Variants in RBFOX1 observed in about 807,000 individuals in gnomAD.
The protein encoded by RBFOX1 is RNA binding protein fox-1 homolog 1.
A neutral mutation model predicts 57.7 loss-of-function variants in RBFOX1; 8 were observed. That is an observed-to-expected ratio of 0.14 (90% CI 0.08 to 0.25). The LOEUF is 0.25. Ranked by LOEUF, RBFOX1 falls within the 10% of genes least tolerant of loss-of-function variation. The probability of loss-of-function intolerance (pLI) is 1.00; values close to 1 mark genes in which losing one functional copy is unlikely to be tolerated. For missense variants in RBFOX1, 611 were observed against 548.5 expected (o/e 1.11, Z -1.14); for synonymous variants, 326 against 222.4 (o/e 1.47, Z -4.15).
At chr16:6,628,193 C>G (rs183312444) in intron 2 of RBFOX1, among the ~76,000 whole-genome samples, 1 of 152,180 alleles carries the variant, frequency 6.6e-6, no homozygotes, top group Non-Finnish European at 1.5e-5. Flanking sequence ...CCTTGGTCAT[C>G]TCACCAGTCT....
At chr16:6,941,300 C>CTCCCTCCT (rs1555654057) in intron 3 of RBFOX1, among the ~76,000 whole-genome samples, 47 of 79,214 alleles carry the variant, frequency 5.9e-4, no homozygotes, top group African/African-American at 1.9e-3. Context: ...CCCTCCCTCC[C>CTCCCTCCT]TCCTTCCTTC....
intron 4 of RBFOX1, among the ~76,000 whole-genome samples, chr16:5,872,123 A>G (rs990276898): frequency 9.9e-5 from 15 of 152,192 alleles, no homozygotes; most frequent in Non-Finnish European, 1.6e-4. Flanking sequence ...CTTACCTACT[A>G]AAAGACACCA....
intron 4 of RBFOX1, among the ~76,000 whole-genome samples, chr16:7,080,109 A>G (rs887472415): frequency 2.0e-5 from 3 of 148,432 alleles, no homozygotes; most frequent in African/African-American, 7.4e-5. Flanking sequence ...ATATAAAACC[A>G]CAATTTAAAA....
At chr16:6,537,691 C>T (rs577975566) in intron 2 of RBFOX1, among the ~76,000 whole-genome samples, 2 of 152,078 alleles carry the variant, frequency 1.3e-5, no homozygotes, top group African/African-American at 2.4e-5. Flanking sequence ...AAACCTCTTA[C>T]AAATATTAAT....
chr16:7,056,316 A>C (rs1342174040), intron 4 of RBFOX1, among the ~76,000 whole-genome samples: 1 of 152,252 alleles, frequency 6.6e-6, no homozygotes, highest in African/African-American at 2.4e-5. Context: ...CTCCGTCCCA[A>C]GGTTTGTCAA....
chr16:7,035,739 C>T (rs1056468567), intron 3 of RBFOX1, among the ~76,000 whole-genome samples: 2 of 152,104 alleles, frequency 1.3e-5, no homozygotes, highest in Admixed American at 1.3e-4. Context: ...AACATGAATG[C>T]CTGCTCATTG....
At chr16:5,323,499 C>T (rs2064471855) in intron 1 of RBFOX1, among the ~76,000 whole-genome samples, 1 of 152,230 alleles carries the variant, frequency 6.6e-6, no homozygotes, top group African/African-American at 2.4e-5. Context: ...CCTGCATCAG[C>T]GGCCTTGCCT....
intron 1 of RBFOX1, among the ~76,000 whole-genome samples, chr16:5,292,858 C>T (rs1394587590): frequency 5.9e-5 from 9 of 152,006 alleles, no homozygotes; most frequent in Non-Finnish European, 1.2e-4. Context: ...CTCCTGACCT[C>T]GTGGTCCATC....
At chr16:5,773,640 A>T (rs927513089) in intron 3 of RBFOX1, among the ~76,000 whole-genome samples, 1 of 152,228 alleles carries the variant, frequency 6.6e-6, no homozygotes, top group Non-Finnish European at 1.5e-5. Context: ...GTGAGCAAGA[A>T]CGTGCATGGG....
chr16:6,060,817 A>G lies in RBFOX1; in HGVS notation c.-127+40825A>G, dbSNP rs551149329. 9.2e-5 allele frequency among the ~76,000 whole-genome samples: 14 copies of G among 152,316 alleles called. No individual in the cohort carries two copies. In the East Asian group the frequency reaches 2.3e-3, roughly 25 times the overall value. ...AACTGAAACCAGGAAGGGAACATCT[A>G]CAGGAGCAGAGATTACACTGTTTTT... On this transcript the variant is annotated intron_variant, in intron 1 of 15. Coordinates refer to ENST00000550418, the MANE Select transcript of RBFOX1 (RefSeq NM_018723.4).
chr16:5,466,485 C>G (rs1597180891), intron 1 of RBFOX1, among the ~76,000 whole-genome samples: 1 of 152,162 alleles, frequency 6.6e-6, no homozygotes, highest in South Asian at 2.1e-4. Flanking sequence ...GCCCTGAAAT[C>G]AGAGAGTACT....
chr16:5,973,191 A>G (rs1456437203), intron 4 of RBFOX1, among the ~76,000 whole-genome samples: 1 of 152,200 alleles, frequency 6.6e-6, no homozygotes, highest in Non-Finnish European at 1.5e-5. Flanking sequence ...AACTGGACTT[A>G]CCGTCAAAAA....
intron 4 of RBFOX1, among the ~76,000 whole-genome samples, chr16:7,215,026 A>G (rs1162585579): frequency 6.6e-6 from 1 of 152,148 alleles, no homozygotes; most frequent in Non-Finnish European, 1.5e-5. Context: ...CACATGCATT[A>G]GCTATTTGTC....
chr16:6,528,508 C>G (rs975344927), intron 2 of RBFOX1, among the ~76,000 whole-genome samples: 1 of 152,202 alleles, frequency 6.6e-6, no homozygotes, highest in African/African-American at 2.4e-5. Flanking sequence ...AAATGGTGAA[C>G]AGCTGGGCAA....
intron 1 of RBFOX1, among the ~76,000 whole-genome samples, chr16:6,305,020 G>T (rs1418516493): frequency 6.6e-6 from 1 of 152,198 alleles, no homozygotes; most frequent in Admixed American, 6.5e-5. Flanking sequence ...GTTGGGAAGG[G>T]GTGATGCATG....
chr16:5,513,914 C>G (rs1438872812), intron 2 of RBFOX1, among the ~76,000 whole-genome samples: 1 of 151,784 alleles, frequency 6.6e-6, no homozygotes, highest in African/African-American at 2.4e-5. Context: ...TACATTAATT[C>G]AATATTTTAA....
intron 1 of RBFOX1, among the ~76,000 whole-genome samples, chr16:5,367,091 C>T (rs2065738197): frequency 6.7e-6 from 1 of 150,244 alleles, no homozygotes; most frequent in African/African-American, 2.4e-5. Context: ...TTTTGCATGT[C>T]AGAAATGCAT....
At chr16:5,389,184 C>A (rs1250112411) in intron 1 of RBFOX1, among the ~76,000 whole-genome samples, 6 of 136,070 alleles carry the variant, frequency 4.4e-5, no homozygotes, top group South Asian at 2.3e-4. Flanking sequence ...GAGCGAGACT[C>A]CGTCTCAAAA....
chr16:6,262,732 G>A (rs996150122), intron 1 of RBFOX1, among the ~76,000 whole-genome samples: 1 of 152,160 alleles, frequency 6.6e-6, no homozygotes, highest in African/African-American at 2.4e-5. Context: ...AGAGAAAGAT[G>A]TCTCTGCCAG....
Sources: gnomAD v4.1 joint callset for allele counts (sites outside exome capture counted in the v4.1 genomes callset) on GRCh38, gnomAD v4.1.1 for gene constraint, MANE v1.5 for transcripts, NCBI Gene and HGNC (gene_info 2026-07-23, HGNC 2026-07-21) for gene names.